The following TMEM14C variants were observed in gnomAD, a reference collection of about 807,000 sequenced individuals.
TMEM14C encodes transmembrane protein 14C.
TMEM14C carries 13 observed loss-of-function variants against 14.8 expected under a neutral mutation model. The ratio of observed to expected loss-of-function variants is 0.88; its 90% CI spans 0.57 to 1.40. The LOEUF (loss-of-function observed/expected upper bound fraction) is 1.40, where lower values mean the gene tolerates loss of function less well. Ranked by LOEUF, TMEM14C falls within the 40% of genes most tolerant of loss-of-function variation. The pLI, the probability that TMEM14C is intolerant of heterozygous loss-of-function variation, is 0.00. For missense variants in TMEM14C, 142 were observed against 138.8 expected (o/e 1.02, Z -0.12); for synonymous variants, 57 against 51.3 (o/e 1.11, Z -0.48).
chr6:10,724,930 T>A (rs1770811331), intron 2 of TMEM14C, 31 bp from the exon 3 acceptor site: 1 of 1,613,402 alleles, frequency 6.2e-7, no homozygotes, highest in Non-Finnish European at 8.5e-7. Context: ...AAAGCCAGGT[T>A]AGCACTGACT....
At chr6:10,727,319 T>C (rs1770892080) in intron 4 of TMEM14C, among the ~76,000 whole-genome samples, 1 of 152,082 alleles carries the variant, frequency 6.6e-6, no homozygotes, top group South Asian at 2.1e-4. Context: ...GATATTCAGA[T>C]GTGCTTGTCT....
chr6:10,725,238 G>C (rs1770823020), intron 3 of TMEM14C, among the ~76,000 whole-genome samples: 1 of 152,108 alleles, frequency 6.6e-6, no homozygotes, highest in Non-Finnish European at 1.5e-5. Context: ...GGCCTCTTTT[G>C]GAATTACTTG....
At chr6:10,725,880 A>C (rs1770845533) in intron 3 of TMEM14C, 27 bp from the exon 4 acceptor site, 2 of 1,612,394 alleles carry the variant, frequency 1.2e-6, no homozygotes, top group East Asian at 2.2e-5. Flanking sequence ...TGACATTACA[A>C]TGCAAGCTGT....
At position 10,730,958 on chromosome 6, in the gene TMEM14C, G is replaced by T. The variant is rs1248104003; in HGVS notation, c.*292G>T. ...GTAAATCTCAAGGGTAAAATGTTAG[G>T]TGTCAGCTTTCAGGGCTCTGAAACC... is the stretch of plus-strand genomic sequence containing the variant. On this transcript the variant is annotated 3_prime_UTR_variant, in exon 6 of 6. Coordinates refer to ENST00000229563, the MANE Select transcript of TMEM14C (RefSeq NM_016462.4). 1.9e-6 allele frequency: 2 copies of T among 1,053,400 alleles called. No individual in the cohort carries two copies. The highest frequency in any genetic ancestry group is 1.4e-4 in the East Asian group (2 of 14,550). 65.3% of individuals were successfully genotyped at this position (1,053,400 alleles called of 1,614,324 possible). A position where few individuals can be genotyped will look rare whatever the true frequency, so the allele number is the denominator to read the frequency against.
intron 4 of TMEM14C, among the ~76,000 whole-genome samples, chr6:10,727,484 G>A (rs1380929417): frequency 6.6e-5 from 10 of 151,680 alleles, no homozygotes; most frequent in Admixed American, 2.0e-4. Context: ...GGATTCAGGC[G>A]TCCACCAACA....
At chr6:10,725,698 G>C (rs1471234324) in intron 3 of TMEM14C, among the ~76,000 whole-genome samples, 2 of 152,036 alleles carry the variant, frequency 1.3e-5, no homozygotes, top group Non-Finnish European at 2.9e-5. Context: ...CTGCCTATTA[G>C]AGGAGAGAAA....
In TMEM14C at chr6:10,730,649, TTCAACAGACCCCATTA is replaced by T; in HGVS notation, c.323_338del (p.Phe108CysfsTer8). ...GGTCGCCAAAGTTGGAGTTAGTATG[TTCAACAGACCCCATTA>T]GCAGAAGTCATGTTCCAGCTTAGAC... On this transcript the variant is annotated frameshift_variant and stop_lost, in exon 6 of 6. Transcript: ENST00000229563. LOFTEE classifies it high-confidence loss of function. The T allele has an allele frequency of 1.9e-6, 3 of 1,612,102 alleles. No individual in the cohort carries two copies. Among genetic ancestry groups the T allele is most frequent in the Non-Finnish European group, 2.5e-6 (3 of 1,178,720 alleles).
intron 3 of TMEM14C, 44 bp downstream of exon 3, chr6:10,725,081 TC>T: frequency 6.2e-7 from 1 of 1,608,960 alleles, no homozygotes; most frequent in East Asian, 2.2e-5. Flanking sequence ...CTTCACGTTG[TC>T]CCAGTGAAAT....
At chr6:10,726,583 G>C (rs1468390683) in intron 4 of TMEM14C, among the ~76,000 whole-genome samples, 3 of 152,134 alleles carry the variant, frequency 2.0e-5, no homozygotes, top group Non-Finnish European at 4.4e-5. Flanking sequence ...CCAGCTACTT[G>C]GGAGGCTGAG....
chr6:10,723,299 T>C (rs1050767303), intron 1 of TMEM14C, 58 bp downstream of exon 1: 2 of 152,248 alleles, frequency 1.3e-5, no homozygotes, highest in African/African-American at 4.8e-5. Flanking sequence ...TAGGGATTAT[T>C]TAGGAGTTTC....
Position 10,728,721 on chromosome 6 carries a change from G to A in TMEM14C, c.281G>A (p.Gly94Asp), listed in dbSNP as rs1561905899. Residue 94 changes from glycine (G) to aspartate (D), a missense_variant, in exon 5 of 6, where the codon GGT becomes GAT. Coordinates refer to ENST00000229563, the MANE Select transcript of TMEM14C (RefSeq NM_016462.4). ...TTCATGCCTGCAGGTTTAATTGCAG[G>A]TGCCAGGTACTTTCATTCTATTACT... ...GKFMPAGLIA[G>D]ASLLMVAKVG... is the part of the protein sequence containing the mutation. 1 of 1,614,200 alleles carries A rather than the reference G, an allele frequency of 6.2e-7. No homozygotes were observed. Among genetic ancestry groups the A allele is most frequent in the Non-Finnish European group, 8.5e-7 (1 of 1,180,026 alleles).
At chr6:10,729,388 C>T (rs994971008) in intron 5 of TMEM14C, among the ~76,000 whole-genome samples, 1 of 152,160 alleles carries the variant, frequency 6.6e-6, no homozygotes, top group Non-Finnish European at 1.5e-5. Context: ...CCACTTCGGC[C>T]TCCCAAAGTG....
intron 3 of TMEM14C, 116 bp downstream of exon 3, chr6:10,725,153 A>G (rs1411878501): frequency 6.4e-6 from 8 of 1,246,576 alleles, no homozygotes; most frequent in Non-Finnish European, 9.4e-6. Context: ...TGGGTCCCCA[A>G]GCTGGAGTGC....
At chr6:10,727,294 G>T (rs139333868) in intron 4 of TMEM14C, among the ~76,000 whole-genome samples, 1 of 151,838 alleles carries the variant, frequency 6.6e-6, no homozygotes. Context: ...CTCCTTTTAG[G>T]TGGATCCCCG....
intron 5 of TMEM14C, among the ~76,000 whole-genome samples, chr6:10,730,205 AG>A: frequency 6.6e-6 from 1 of 152,338 alleles, no homozygotes; most frequent in South Asian, 2.1e-4. Context: ...TTTTGGAGAA[AG>A]ATTACATACT....
chr6:10,727,161 G>A (rs556397697), intron 4 of TMEM14C, among the ~76,000 whole-genome samples: 3 of 152,232 alleles, frequency 2.0e-5, no homozygotes, highest in Admixed American at 1.3e-4. Flanking sequence ...TAATCTCCAA[G>A]CCTCCCCTCG....
chr6:10,729,668 T>A (rs142226967), intron 5 of TMEM14C, among the ~76,000 whole-genome samples: 264 of 152,080 alleles, frequency 1.7e-3, no homozygotes, highest in African/African-American at 6.2e-3. Context: ...TCCCAGCTAC[T>A]CGGAAGGCTG....
At chr6:10,724,724 C>A in intron 2 of TMEM14C, 91 bp downstream of exon 2, 14 of 1,411,806 alleles carry the variant, frequency 9.9e-6, no homozygotes, top group Non-Finnish European at 1.3e-5. Flanking sequence ...GAGTAGACTG[C>A]CTGGGATGGC....
intron 2 of TMEM14C, 70 bp from the exon 3 acceptor site, chr6:10,724,891 C>T (rs1009403195): frequency 1.8e-5 from 28 of 1,557,586 alleles, no homozygotes; most frequent in Non-Finnish European, 2.2e-5. Context: ...ACCTTTTAGT[C>T]CCATCCTATG....
Sources: gnomAD v4.1 joint callset for allele counts (sites outside exome capture counted in the v4.1 genomes callset) on GRCh38, gnomAD v4.1.1 for gene constraint, MANE v1.5 for transcripts, NCBI Gene and HGNC (gene_info 2026-07-23, HGNC 2026-07-21) for gene names.